Variants in FHIT observed in about 807,000 individuals in gnomAD.
FHIT encodes the protein fragile histidine triad diadenosine triphosphatase.
In FHIT, 19 loss-of-function variants were observed where a neutral mutation model predicts 17.9. The observed-to-expected ratio is 1.06, with a 90% CI of 0.74 to 1.56. FHIT has a LOEUF of 1.56. Among genes scored for constraint, FHIT ranks in the 40% most tolerant of loss-of-function variants. FHIT has a pLI of 0.00. For synonymous variants in FHIT, 81 were observed against 69.7 expected (o/e 1.16, Z -0.81); for missense variants, 248 against 189.2 (o/e 1.31, Z -1.82).
chr3:59,896,844 G>T (rs9836175), intron 8 of FHIT, among the ~76,000 whole-genome samples: 2 of 152,084 alleles, frequency 1.3e-5, no homozygotes, highest in Admixed American at 1.3e-4. Context: ...CATTACTGAC[G>T]AAATCTGGAA....
At chr3:60,993,748 T>G (rs2030446855) in intron 3 of FHIT, among the ~76,000 whole-genome samples, 1 of 152,212 alleles carries the variant, frequency 6.6e-6, no homozygotes, top group Non-Finnish European at 1.5e-5. Context: ...ATTCCAAAAC[T>G]CTTTTTTGCA....
chr3:61,190,729 C>T (rs1246225764), intron 2 of FHIT, among the ~76,000 whole-genome samples: 1 of 152,158 alleles, frequency 6.6e-6, no homozygotes, highest in African/African-American at 2.4e-5. Flanking sequence ...GGCATATATA[C>T]ACCATGGAAT....
At chr3:60,684,327 A>AT (rs772561525) in intron 4 of FHIT, among the ~76,000 whole-genome samples, 9 of 151,644 alleles carry the variant, frequency 5.9e-5, no homozygotes, top group Non-Finnish European at 7.4e-5. Context: ...TGCAAGGACC[A>AT]TTTTTTTTGC....
chr3:60,370,451 A>T lies in FHIT; in HGVS notation c.103+166409T>A, dbSNP rs562569535. Among the ~76,000 whole-genome samples, 3 of 152,262 alleles carry T rather than the reference A, an allele frequency of 2.0e-5. No individual in the cohort carries two copies. The South Asian group carries it at 6.2e-4, about 32-fold the overall frequency. ...CAATTCACTAAAGATGCCCGTGTCA[A>T]CATTTCAAGGTCGCGCCTCCTCAAG... On this transcript the variant is annotated intron_variant, in intron 5 of 9. Coordinates refer to ENST00000492590, the MANE Select transcript of FHIT (RefSeq NM_002012.4).
chr3:60,405,597 C>G (rs1181730950), intron 5 of FHIT, among the ~76,000 whole-genome samples: 1 of 152,212 alleles, frequency 6.6e-6, no homozygotes, highest in African/African-American at 2.4e-5. Flanking sequence ...GGGCAGGGCG[C>G]CCCCTGTGGC....
At chr3:60,034,885 G>A (rs1575940548) in intron 5 of FHIT, among the ~76,000 whole-genome samples, 1 of 152,164 alleles carries the variant, frequency 6.6e-6, no homozygotes, top group African/African-American at 2.4e-5. Flanking sequence ...TCACAGCATT[G>A]AGTTTGTTTG....
chr3:59,931,183 A>G (rs777380343), intron 7 of FHIT, among the ~76,000 whole-genome samples: 19 of 152,222 alleles, frequency 1.2e-4, no homozygotes, highest in Admixed American at 5.9e-4. Flanking sequence ...TAGTTTTAAA[A>G]ATAATTTTGA....
At chr3:61,235,424 A>AT (rs200437689) in intron 1 of FHIT, among the ~76,000 whole-genome samples, 1 of 152,104 alleles carries the variant, frequency 6.6e-6, no homozygotes, top group Admixed American at 6.5e-5. Context: ...TAGTAATCTA[A>AT]TTTAAAAAAA....
intron 2 of FHIT, among the ~76,000 whole-genome samples, chr3:61,140,713 C>T (rs1439362289): frequency 6.6e-6 from 1 of 152,086 alleles, no homozygotes; most frequent in African/African-American, 2.4e-5. Flanking sequence ...CTGGTCATAG[C>T]CACCACTGAA....
chr3:60,867,610 T>C (rs1704222775), intron 3 of FHIT, among the ~76,000 whole-genome samples: 1 of 152,172 alleles, frequency 6.6e-6, no homozygotes, highest in Admixed American at 6.6e-5. Context: ...CATCTCAGCC[T>C]CTTATGAGTG....
rs976735534 is a variant in FHIT, at chr3:60,589,934, C to G, written c.-17-52955G>C. Among the ~76,000 whole-genome samples the G allele has an allele frequency of 2.0e-5, 3 of 152,054 alleles. 1 individual carries two copies. The highest frequency in any genetic ancestry group is 3.9e-4 in the East Asian group (2 of 5,156). ...GCATTAGGTAAGTATGAATCTGTGG[C>G]CTTGACCCTCTTCAACTCTGGGTAA... On this transcript the variant is annotated intron_variant, in intron 4 of 9. Coordinates refer to ENST00000492590, the MANE Select transcript of FHIT (RefSeq NM_002012.4).
chr3:60,954,393 G>A (rs1553778146), intron 3 of FHIT, among the ~76,000 whole-genome samples: 2 of 152,166 alleles, frequency 1.3e-5, no homozygotes, highest in Non-Finnish European at 2.9e-5. Flanking sequence ...AACAAGGAAA[G>A]ATGTTATCTT....
At chr3:60,453,777 G>A (rs2031905030) in intron 5 of FHIT, among the ~76,000 whole-genome samples, 2 of 152,110 alleles carry the variant, frequency 1.3e-5, no homozygotes, top group Admixed American at 6.6e-5. Context: ...AGCAGCTACC[G>A]AATGATAATA....
At chr3:59,944,912 T>C (rs1358956220) in intron 7 of FHIT, among the ~76,000 whole-genome samples, 1 of 152,230 alleles carries the variant, frequency 6.6e-6, no homozygotes, top group African/African-American at 2.4e-5. Flanking sequence ...TACATTTTCT[T>C]TGTCCAGTCT....
At chr3:60,360,273 A>G (rs2106994112) in intron 5 of FHIT, among the ~76,000 whole-genome samples, 1 of 152,182 alleles carries the variant, frequency 6.6e-6, no homozygotes, top group South Asian at 2.1e-4. Flanking sequence ...ACTCTGAAAC[A>G]ATCTTGAAAA....
chr3:60,958,185 G>A (rs1026475778), intron 3 of FHIT, among the ~76,000 whole-genome samples: 26 of 152,296 alleles, frequency 1.7e-4, no homozygotes, highest in African/African-American at 6.0e-4. Flanking sequence ...AGCACCTCCT[G>A]TCAGTTTGTA....
At chr3:60,436,263 T>A (rs528721250) in intron 5 of FHIT, among the ~76,000 whole-genome samples, 51 of 152,150 alleles carry the variant, frequency 3.4e-4, no homozygotes, top group African/African-American at 9.2e-4. Flanking sequence ...TTGGCCAGGA[T>A]GGTCTCAGAC....
At chr3:59,842,865 T>C (rs897130340) in intron 8 of FHIT, among the ~76,000 whole-genome samples, 1 of 152,158 alleles carries the variant, frequency 6.6e-6, no homozygotes, top group African/African-American at 2.4e-5. Flanking sequence ...GGGTTGCCTT[T>C]TTACTATACT....
At chr3:60,495,857 C>A (rs1340427738) in intron 5 of FHIT, among the ~76,000 whole-genome samples, 1 of 152,020 alleles carries the variant, frequency 6.6e-6, no homozygotes, top group African/African-American at 2.4e-5. Flanking sequence ...CATTAAAGCT[C>A]AAAGAGACCA....
Sources: gnomAD v4.1 joint callset for allele counts (sites outside exome capture counted in the v4.1 genomes callset) on GRCh38, gnomAD v4.1.1 for gene constraint, MANE v1.5 for transcripts, NCBI Gene and HGNC (gene_info 2026-07-23, HGNC 2026-07-21) for gene names.